The following ROBO3 variants were observed in gnomAD, a reference collection of about 807,000 sequenced individuals.
The protein encoded by ROBO3 is roundabout guidance receptor 3, also known as roundabout homolog 3.
A neutral mutation model predicts 160.5 loss-of-function variants in ROBO3; 97 were observed. That is an observed-to-expected ratio of 0.60 (90% CI 0.51 to 0.72). The LOEUF (loss-of-function observed/expected upper bound fraction) is 0.72. ROBO3 is among the 30% of genes least tolerant of loss of function. The pLI, the probability that ROBO3 is intolerant of heterozygous loss-of-function variation, is 0.00. For missense variants in ROBO3, 1,858 were observed against 1,846.5 expected, an observed-to-expected ratio of 1.01 and a Z score of -0.11; for synonymous variants, 780 against 746.2, an observed-to-expected ratio of 1.05 and a Z score of -0.74.
chr11:124,866,421 C>A (rs1260440524), intron 1 of ROBO3, among the ~76,000 whole-genome samples: 2 of 152,158 alleles, frequency 1.3e-5, no homozygotes, highest in Non-Finnish European at 1.5e-5. Context: ...CTGCGGGAGC[C>A]GGCCGCCGCC....
At chr11:124,880,244 A>C (rs564343677) in intron 26 of ROBO3, among the ~76,000 whole-genome samples, 174 bp from the exon 27 acceptor site, 33 of 152,126 alleles carry the variant, frequency 2.2e-4, no homozygotes, top group Non-Finnish European at 3.5e-4. Flanking sequence ...AGCACCCATG[A>C]TGTCAAGGCC....
At position 124,874,109 on chromosome 11, in the gene ROBO3, C is replaced by G; in HGVS notation, c.1824C>G (p.Gly608=). 6.2e-7 allele frequency: 1 copy of G among 1,613,886 alleles called. No individual in the cohort carries two copies. Among genetic ancestry groups the G allele is most frequent in the Non-Finnish European group, 8.5e-7 (1 of 1,179,874 alleles). ...AGNTWRTVAD[G]VQLETHTVSG... ...ACACATGGCGTACTGTGGCAGATGG[C>G]GTGCAGCTGGAGACACACACAGTCA... The change falls in exon 12 of 28, where the codon GGC becomes GGG. Residue 608 remains glycine, a synonymous_variant. Transcript: ENST00000397801.
intron 7 of ROBO3, among the ~76,000 whole-genome samples, chr11:124,871,638 G>C (rs1344433171): frequency 6.6e-6 from 1 of 152,170 alleles, no homozygotes; most frequent in Non-Finnish European, 1.5e-5. Context: ...AAATCCAGAA[G>C]CAGAATGAAC....
chr11:124,872,584 T>C lies in ROBO3; in HGVS notation c.1330+32T>C, dbSNP rs1057507493. On this transcript the variant is annotated intron_variant, in intron 8 of 27. Coordinates refer to ENST00000397801, the MANE Select transcript of ROBO3 (RefSeq NM_022370.4). This position sits in a 1 kb window ranked among gnomAD's most constrained non-coding sequence, Gnocchi z 4.3. ...GCCCATGGAGATAGGACTGGATCCA[T>C]GGCTTGGGAGGAAATAATGGCCTAA... 1.9e-6 allele frequency: 3 copies of C among 1,595,104 alleles called. No individual in the cohort carries two copies. Among genetic ancestry groups the C allele is most frequent in the Non-Finnish European group, 2.6e-6 (3 of 1,166,224 alleles).
Position 124,881,340 on chromosome 11 carries a change from G to A in ROBO3, c.*90G>A, listed in dbSNP as rs1946579026. ...CCCCCAGCAGTGATGAGTGGGGCTAGCTGAAGCCCATTGGTTTCCACGATT... is the reference window on the plus strand; with the variant it reads ...CCCCCAGCAGTGATGAGTGGGGCTAACTGAAGCCCATTGGTTTCCACGATT... On this transcript the variant is annotated 3_prime_UTR_variant, in exon 28 of 28. Transcript: ENST00000397801. The A allele has an allele frequency of 2.3e-6, 3 of 1,286,458 alleles. No individual in the cohort carries two copies. The highest frequency in any genetic ancestry group is 3.3e-6 in the Non-Finnish European group (3 of 906,358). 79.7% of individuals were successfully genotyped at this position (1,286,458 alleles called of 1,614,324 possible).
rs1156629676 is a variant in ROBO3, at chr11:124,879,952, A to G, written c.3958+4A>G. 1.3e-6 allele frequency: 2 copies of G among 1,566,662 alleles called. No individual in the cohort carries two copies. The highest frequency in any genetic ancestry group is 1.7e-6 in the Non-Finnish European group (2 of 1,155,890). On this transcript the variant is annotated splice_donor_region_variant and intron_variant, in intron 26 of 27. Transcript: ENST00000397801. ...CAGCGGGTGCTCCACCCAGATGGTA[A>G]GCAGGGCCAGGGCAGGCAGGAGGGC...
chr11:124,878,506 AG>A lies in ROBO3; in HGVS notation c.3321-73del. On this transcript the variant is annotated intron_variant, in intron 22 of 27. Transcript: ENST00000397801. This position sits in a 1 kb window ranked among gnomAD's most constrained non-coding sequence, Gnocchi z 4.3. The stretch of plus-strand genomic sequence containing the variant: ...CCATGGGCTGCTGGGGAGGAAGGGG[AG>A]GGGGCAGCAGGAAGGCCAACGGGAA... 1 of 1,599,276 alleles carries A rather than the reference AG, an allele frequency of 6.3e-7. No homozygotes were observed.
In ROBO3 at chr11:124,869,559, C is replaced by G. The variant is rs1414272959; in HGVS notation, c.597C>G (p.Ser199=). 1.3e-6 allele frequency: 2 copies of G among 1,571,222 alleles called. No individual in the cohort carries two copies. Among genetic ancestry groups the G allele is most frequent in the Admixed American group, 1.9e-5 (1 of 53,568 alleles). The change falls in exon 3 of 28, where the codon TCC becomes TCG. Residue 199 remains serine, a synonymous_variant. Coordinates refer to ENST00000397801, the MANE Select transcript of ROBO3 (RefSeq NM_022370.4). The surrounding 1 kb of genome is among the most constrained non-coding windows in gnomAD (Gnocchi z 4.2). ...GCGGCCACCCGGAGCCTTCCGTGTCCTGGAGGAAGGACGGTGCAAGACTCA... is the reference window on the plus strand; with the variant it reads ...GCGGCCACCCGGAGCCTTCCGTGTCGTGGAGGAAGGACGGTGCAAGACTCA... ...PPRGHPEPSV[S]WRKDGARLKE... is the part of the protein sequence containing the mutation.
chr11:124,867,748 G>T (rs1946219406), intron 1 of ROBO3, among the ~76,000 whole-genome samples: 1 of 150,132 alleles, frequency 6.7e-6, no homozygotes, highest in Non-Finnish European at 1.5e-5. Flanking sequence ...CTGGAAGCGG[G>T]AGGTTCCTGC....
At chr11:124,871,702 T>G (rs905504366) in intron 7 of ROBO3, among the ~76,000 whole-genome samples, 9 of 152,224 alleles carry the variant, frequency 5.9e-5, no homozygotes, top group African/African-American at 2.2e-4. Context: ...GTAGGAATTT[T>G]GCTACTGGAA....
intron 12 of ROBO3, among the ~76,000 whole-genome samples, 195 bp downstream of exon 12, chr11:124,874,431 A>C (rs1355745297): frequency 2.0e-5 from 3 of 152,010 alleles, no homozygotes; most frequent in African/African-American, 7.2e-5. Context: ...AGGCAGGGAG[A>C]GGGGAGGAGG....
In ROBO3 at chr11:124,873,353, C is replaced by T. The variant is rs2135330210; in HGVS notation, c.1580C>T (p.Thr527Ile). 6.2e-7 allele frequency: 1 copy of T among 1,612,516 alleles called. No homozygotes were observed. Among genetic ancestry groups the T allele is most frequent in the Non-Finnish European group, 8.5e-7 (1 of 1,179,394 alleles). The part of the protein sequence containing the change: ...GFYSCVAKSS[T>I]GEATWSGWLK... The stretch of plus-strand genomic sequence containing the variant: ...TACAGCTGCGTGGCCAAGAGTTCCA[C>T]AGGGGAAGCCACATGGAGCGGCTGG... The change falls in exon 10 of 28, where the codon ACA becomes ATA. Residue 527 changes from threonine (T) to isoleucine (I), a missense_variant. Physicochemically the swap from Thr to Ile is moderately conservative, Grantham distance 89 (BLOSUM62 -1). Transcript: ENST00000397801. This position sits in a 1 kb window ranked among gnomAD's most constrained non-coding sequence, Gnocchi z 4.5.
chr11:124,865,556 C>T lies in ROBO3; in HGVS notation c.-22C>T, dbSNP rs745811208. 4 of 1,608,440 alleles carry T rather than the reference C, an allele frequency of 2.5e-6. No individual in the cohort carries two copies. In the Admixed American group the frequency reaches 6.7e-5, roughly 27 times the overall value. ...GGGGCTGGGCCCCCAGCCCCCAGTC[C>T]CGATCCCAGCTGGGTCGAGCCATGC... On this transcript the variant is annotated 5_prime_UTR_variant, in exon 1 of 28. Transcript: ENST00000397801. This position sits in a 1 kb window ranked among gnomAD's most constrained non-coding sequence, Gnocchi z 5.5.
chr11:124,875,123 G>C lies in ROBO3; in HGVS notation c.2086G>C (p.Val696Leu). ...CTGTCTCCCACAGGTGGATGGCCCA[G>C]TCCAGCTGGTGCAAGGTTTCCGGGT... ...LQVSWTVDGP[V>L]QLVQGFRVSW... Residue 696 changes from valine to leucine, a missense_variant, in exon 14 of 28, where the codon GTC becomes CTC. Transcript: ENST00000397801. The C allele has an allele frequency of 1.2e-6, 2 of 1,606,870 alleles. No individual in the cohort carries two copies. Among genetic ancestry groups the C allele is most frequent in the Non-Finnish European group, 1.7e-6 (2 of 1,177,050 alleles).
chr11:124,874,710 A>G, intron 12 of ROBO3, 78 bp from the exon 13 acceptor site: 3 of 1,490,602 alleles, frequency 2.0e-6, no homozygotes, highest in Non-Finnish European at 2.7e-6. Flanking sequence ...AGCAGGGCAG[A>G]GGTAGGACAC....
rs1166715429 is a variant in ROBO3, at chr11:124,878,800, G to A, written c.3533+4G>A. The A allele has an allele frequency of 1.4e-5, 23 of 1,608,896 alleles. No homozygotes were observed. Among genetic ancestry groups the A allele is most frequent in the Admixed American group, 6.7e-5 (4 of 59,982 alleles). On this transcript the variant is annotated splice_donor_region_variant and intron_variant, in intron 23 of 27. Transcript: ENST00000397801. This position sits in a 1 kb window ranked among gnomAD's most constrained non-coding sequence, Gnocchi z 4.3. Reference sequence around the variant, plus strand: ...CCCATCTCCATCAGATGCCCAGGTAGGGAGGTATATAGTACCTCACTCATT... The same window carrying A: ...CCCATCTCCATCAGATGCCCAGGTAAGGAGGTATATAGTACCTCACTCATT...
chr11:124,866,178 C>G (rs1426785007), intron 1 of ROBO3, among the ~76,000 whole-genome samples: 1 of 152,188 alleles, frequency 6.6e-6, no homozygotes, highest in Non-Finnish European at 1.5e-5. Flanking sequence ...CCCAAGAACT[C>G]ACTTAGGACC....
chr11:124,875,125 C>A lies in ROBO3; in HGVS notation c.2088C>A (p.Val696=), dbSNP rs377107889. The change falls in exon 14 of 28, where the codon GTC becomes GTA. Residue 696 remains valine, a synonymous_variant. Coordinates refer to ENST00000397801, the MANE Select transcript of ROBO3 (RefSeq NM_022370.4). ...GTCTCCCACAGGTGGATGGCCCAGT[C>A]CAGCTGGTGCAAGGTTTCCGGGTGT... is the stretch of plus-strand genomic sequence containing the variant. The part of the protein sequence containing the change: ...LQVSWTVDGP[V]QLVQGFRVSW... 1.2e-6 allele frequency: 2 copies of A among 1,607,374 alleles called. No homozygotes were observed. The highest frequency in any genetic ancestry group is 1.7e-6 in the Non-Finnish European group (2 of 1,177,368).
chr11:124,878,617 T>A lies in ROBO3; in HGVS notation c.3354T>A (p.Pro1118=), dbSNP rs751291981. Reference sequence around the variant, plus strand: ...CAGAGGAGTGGTGCCCGCCAATGCCTGAGAGAAGTCACCTGACGGAGCCCA... The same window carrying A: ...CAGAGGAGTGGTGCCCGCCAATGCCAGAGAGAAGTCACCTGACGGAGCCCA... ...SEPEEWCPPM[P]ERSHLTEPSS... Residue 1118 remains proline, a synonymous_variant, in exon 23 of 28, where the codon CCT becomes CCA. Transcript: ENST00000397801. This position sits in a 1 kb window ranked among gnomAD's most constrained non-coding sequence, Gnocchi z 4.3. 2.3e-5 allele frequency: 37 copies of A among 1,612,988 alleles called. No individual in the cohort carries two copies. In the East Asian group the frequency reaches 7.8e-4, roughly 34 times the overall value.
Sources: allele counts gnomAD v4.1 joint callset (sites outside exome capture counted in the v4.1 genomes callset), GRCh38; gene constraint gnomAD v4.1.1; non-coding constraint Gnocchi (gnomAD v3.1); transcripts MANE v1.5; gene names NCBI Gene and HGNC (gene_info 2026-07-23, HGNC 2026-07-21).